Variants in AKR1C1 observed in about 807,000 individuals in gnomAD.
AKR1C1 encodes 20 alpha-hydroxysteroid dehydrogenase.
In AKR1C1, 32 loss-of-function variants were observed where a neutral mutation model predicts 40.6. The observed-to-expected ratio is 0.79, with a 90% CI of 0.60 to 1.06. The LOEUF is 1.06. AKR1C1 is among the 50% of genes least tolerant of loss of function. AKR1C1 has a pLI of 0.00. For missense variants in AKR1C1, 320 were observed against 363.5 expected (o/e 0.88, Z 0.97); for synonymous variants, 105 against 134.2 (o/e 0.78, Z 1.50).
chr10:4,965,479 T>C (rs886587532), intron 1 of AKR1C1: 5 of 152,868 alleles, frequency 3.3e-5, no homozygotes, highest in African/African-American at 1.2e-4. Flanking sequence ...TTAACCAGGA[T>C]GGCCTTGATC....
At position 4,981,125 on chromosome 10, in the gene AKR1C1, C is replaced by A. The variant is rs1206858242; in HGVS notation, c.*3383C>A. 1 of 151,530 alleles carries A rather than the reference C, an allele frequency of 6.6e-6. No individual in the cohort carries two copies. Among genetic ancestry groups the A allele is most frequent in the Non-Finnish European group, 1.5e-5 (1 of 67,582 alleles). The allele number at this position is 151,530 out of a possible 1,614,324, so 9.4% of individuals were successfully genotyped here. A position where few individuals can be genotyped will look rare whatever the true frequency, so the allele number is the denominator to read the frequency against. ...TAATTTCAAAGAACTTTTTCTTTTG[C>A]TGAGCAGTAAGTCTTAACAGTGGGC... On this transcript the variant is annotated 3_prime_UTR_variant, in exon 9 of 9. Transcript: ENST00000380872.
rs530323152 is a variant in AKR1C1 at position 4,966,009 on chromosome 10, G to A, written c.180G>A (p.Gln60=). Residue 60 remains glutamine (Q), a synonymous_variant, in exon 2 of 9, where the codon CAG becomes CAA. Transcript: ENST00000380872. ...DSAHLYNNEE[Q]VGLAIRSKIA... The stretch of plus-strand genomic sequence containing the variant: ...CTCATTTATACAATAATGAGGAGCA[G>A]GTTGGACTGGCCATCCGAAGCAAGA... 20 of 1,614,228 alleles carry A rather than the reference G, an allele frequency of 1.2e-5. No individual in the cohort carries two copies. The East Asian group carries it at 4.2e-4, about 34-fold the overall frequency.
Position 4,977,982 on chromosome 10 carries a change from C to T in AKR1C1, c.*240C>T. The T allele has an allele frequency of 1.8e-6, 1 of 555,562 alleles. No individual in the cohort carries two copies. The allele number at this position is 555,562 out of a possible 1,614,324, so 34.4% of individuals were successfully genotyped here. ...TCTTCACCTACTTTGGTCTCCATAA[C>T]TTCTATGTTTTCTTTCCTTCTGACA... On this transcript the variant is annotated 3_prime_UTR_variant, in exon 9 of 9. Transcript: ENST00000380872.
In AKR1C1 at chr10:4,967,009, A is replaced by G. The variant is rs774806896; in HGVS notation, c.335A>G (p.Asp112Gly). The G allele has an allele frequency of 1.9e-6, 3 of 1,613,848 alleles. No homozygotes were observed. The East Asian group carries it at 6.7e-5, about 36-fold the overall frequency. The part of the protein sequence containing the change: ...SLKNLQLDYV[D>G]LYLIHFPVSV... ...AAAAATCTTCAATTGGATTATGTTG[A>G]CCTCTACCTTATTCATTTTCCAGTG... Residue 112 changes from aspartate to glycine, a missense_variant, in exon 3 of 9, where the codon GAC (aspartate) becomes GGC (glycine). Asp to Gly is a moderately conservative substitution (Grantham distance 94, BLOSUM62 -1). Coordinates refer to ENST00000380872, the MANE Select transcript of AKR1C1 (RefSeq NM_001353.6).
intron 2 of AKR1C1, among the ~76,000 whole-genome samples, chr10:4,966,473 G>A (rs1238858105): frequency 1.3e-5 from 2 of 152,200 alleles, no homozygotes; most frequent in African/African-American, 4.8e-5. Context: ...AGCAAGCTCT[G>A]TGAGTATTAA....
rs1215401140 is a variant in AKR1C1 at position 4,983,064 on chromosome 10, G to A, written c.*5322G>A. The A allele has an allele frequency of 7.9e-6, 3 of 377,400 alleles. No homozygotes were observed. The East Asian group carries it at 2.5e-4, about 31-fold the overall frequency. The allele number at this position is 377,400 out of a possible 1,614,324, so 23.4% of individuals were successfully genotyped here. A position where few individuals can be genotyped will look rare whatever the true frequency, so the allele number is the denominator to read the frequency against. ...CCACTGCTGGGAGACTTGTGCTGAG[G>A]TGAAGCCTGGGCTGGATGGCTGGAG... On this transcript the variant is annotated 3_prime_UTR_variant, in exon 9 of 9. Coordinates refer to ENST00000380872, the MANE Select transcript of AKR1C1 (RefSeq NM_001353.6).
chr10:4,963,631 C>T, intron 1 of AKR1C1, 103 bp downstream of exon 1: 3 of 1,000,132 alleles, frequency 3.0e-6, no homozygotes, highest in South Asian at 2.8e-5. Flanking sequence ...GCATGACTCC[C>T]CTTTAAACGT....
rs1836642323 is a variant in AKR1C1 at position 4,982,920 on chromosome 10, A to G, written c.*5178A>G. On this transcript the variant is annotated 3_prime_UTR_variant, in exon 9 of 9. Transcript: ENST00000380872. The stretch of plus-strand genomic sequence containing the variant: ...AGGTCTTGAGTCGGTCCGCATGACA[A>G]GTTCACCGCTCGCATAACCAGCATT... The G allele has an allele frequency of 4.5e-6, 2 of 449,434 alleles. No individual in the cohort carries two copies. The highest frequency in any genetic ancestry group is 3.1e-5 in the South Asian group (2 of 63,650). 27.8% of individuals were successfully genotyped at this position (449,434 alleles called of 1,614,324 possible). A position where few individuals can be genotyped will look rare whatever the true frequency, so the allele number is the denominator to read the frequency against.
chr10:4,969,796 T>C (rs1836395306), intron 5 of AKR1C1: 1 of 1,540,918 alleles, frequency 6.5e-7, no homozygotes, highest in African/African-American at 1.4e-5. Context: ...CTTTTCCCAG[T>C]AAATTACATT....
At position 4,981,378 on chromosome 10, in the gene AKR1C1, C is replaced by T. The variant is rs567207674; in HGVS notation, c.*3636C>T. The T allele has an allele frequency of 3.3e-5, 5 of 152,184 alleles. No homozygotes were observed. Among genetic ancestry groups the T allele is most frequent in the African/African-American group, 1.2e-4 (5 of 41,492 alleles). 9.4% of individuals were successfully genotyped at this position (152,184 alleles called of 1,614,324 possible). On this transcript the variant is annotated 3_prime_UTR_variant, in exon 9 of 9. Transcript: ENST00000380872. ...CTACTCAAAGAAATCAGAGATATCA[C>T]AAAATGACAAAACAAGTACAGGGGC...
In AKR1C1 at chr10:4,982,848, G is replaced by T. The variant is rs373287078; in HGVS notation, c.*5106G>T. 4.8e-4 allele frequency: 189 copies of T among 393,532 alleles called. No individual in the cohort carries two copies. Among genetic ancestry groups the T allele is most frequent in the South Asian group, 3.1e-3 (161 of 52,294 alleles). The allele number at this position is 393,532 out of a possible 1,614,324, so 24.4% of individuals were successfully genotyped here. A position where few individuals can be genotyped will look rare whatever the true frequency, so the allele number is the denominator to read the frequency against. On this transcript the variant is annotated 3_prime_UTR_variant, in exon 9 of 9. Coordinates refer to ENST00000380872, the MANE Select transcript of AKR1C1 (RefSeq NM_001353.6). The stretch of plus-strand genomic sequence containing the variant: ...TGTTCCCAGGAAGGAGAAAATGCCT[G>T]CATGAGCTCAGCTGTTACCACTGCG...
Position 4,972,601 on chromosome 10 carries a change from C to G in AKR1C1, c.698C>G (p.Pro233Arg), listed in dbSNP as rs370027719. The G allele has an allele frequency of 6.2e-7, 1 of 1,613,672 alleles. No homozygotes were observed. Among genetic ancestry groups the G allele is most frequent in the African/African-American group, 1.3e-5 (1 of 74,886 alleles). ...CCTTCCAGGGTGGACCCGAACTCCCCGGTGCTCTTGGAGGACCCAGTCCTT... is the reference window on the plus strand; with the variant it reads ...CCTTCCAGGGTGGACCCGAACTCCCGGGTGCTCTTGGAGGACCCAGTCCTT... ...REEPWVDPNS[P>R]VLLEDPVLCA... The change falls in exon 7 of 9, where the codon CCG (proline) becomes CGG (arginine). Residue 233 changes from proline to arginine, a missense_variant. Around this residue, in one of 3 missense-constraint regions of AKR1C1, gnomAD observed 77 missense variants for 125.3 expected, o/e 0.61. Coordinates refer to ENST00000380872, the MANE Select transcript of AKR1C1 (RefSeq NM_001353.6).
Position 4,978,431 on chromosome 10 carries a change from T to G in AKR1C1, c.*689T>G, listed in dbSNP as rs117037425. The G allele has an allele frequency of 0.03, 4,545 of 151,188 alleles. 90 individuals carry two copies. Among genetic ancestry groups the G allele is most frequent in the Non-Finnish European group, 0.044 (3,012 of 67,820 alleles). 9.4% of individuals were successfully genotyped at this position (151,188 alleles called of 1,614,324 possible). On this transcript the variant is annotated 3_prime_UTR_variant, in exon 9 of 9. Coordinates refer to ENST00000380872, the MANE Select transcript of AKR1C1 (RefSeq NM_001353.6). ...ACCCTTTTTTTTGAACATTATATCT[T>G]GCTCATAAAAGAAAACTTTCCACAT... is the stretch of plus-strand genomic sequence containing the variant.
At chr10:4,969,029 C>A (rs1836381046) in intron 5 of AKR1C1, 85 bp downstream of exon 5, 1 of 1,599,586 alleles carries the variant, frequency 6.3e-7, no homozygotes, top group Admixed American at 1.7e-5. Context: ...TTTAGTCCCA[C>A]TTATCTTTGT....
chr10:4,972,683 G>A lies in AKR1C1; in HGVS notation c.780G>A (p.Gln260=), dbSNP rs782705040. Residue 260 remains glutamine, a synonymous_variant, in exon 7 of 9, where the codon CAG becomes CAA. Coordinates refer to ENST00000380872, the MANE Select transcript of AKR1C1 (RefSeq NM_001353.6). The part of the protein sequence containing the change: ...RTPALIALRY[Q]LQRGVVVLAK... ...CAGCCCTGATTGCCCTGCGCTACCA[G>A]CTACAGCGTGGGGTTGTGGTCCTGG... 1 of 1,612,754 alleles carries A rather than the reference G, an allele frequency of 6.2e-7. No individual in the cohort carries two copies. Among genetic ancestry groups the A allele is most frequent in the Non-Finnish European group, 8.5e-7 (1 of 1,180,042 alleles).
rs377740457 is a variant in AKR1C1 at position 4,966,043 on chromosome 10, G to T, written c.214G>T (p.Gly72Cys). 3.7e-6 allele frequency: 6 copies of T among 1,614,062 alleles called. No individual in the cohort carries two copies. In the African/African-American group the frequency reaches 4.0e-5, roughly 11 times the overall value. ...GGCCATCCGAAGCAAGATTGCAGAT[G>T]GCAGTGTGAAGAGAGAAGACATATT... ...GLAIRSKIAD[G>C]SVKREDIFYT... Residue 72 changes from glycine to cysteine, a missense_variant, in exon 2 of 9, where the codon GGC (glycine) becomes TGC (cysteine). Coordinates refer to ENST00000380872, the MANE Select transcript of AKR1C1 (RefSeq NM_001353.6).
intron 2 of AKR1C1, among the ~76,000 whole-genome samples, chr10:4,966,317 G>A (rs1452075985): frequency 1.3e-5 from 2 of 152,194 alleles, no homozygotes; most frequent in Non-Finnish European, 2.9e-5. Flanking sequence ...GCTCAGCACA[G>A]ATCAATATGG....
chr10:4,970,365 C>T (rs1836403639), intron 5 of AKR1C1, among the ~76,000 whole-genome samples: 1 of 152,058 alleles, frequency 6.6e-6, no homozygotes, highest in Non-Finnish European at 1.5e-5. Context: ...ATTTTGATAT[C>T]AGTTAACTTG....
chr10:4,969,469 A>G (rs7083234), intron 5 of AKR1C1, among the ~76,000 whole-genome samples: 49,755 of 138,018 alleles, frequency 0.36, 9,015 homozygotes, highest in African/African-American at 0.5. Context: ...TCTGCAGACA[A>G]TGAAGGTCAT....
Sources: gnomAD v4.1 joint callset for allele counts (sites outside exome capture counted in the v4.1 genomes callset) on GRCh38, gnomAD v4.1.1 for gene constraint, gnomAD v4.1.1 regional missense constraint, MANE v1.5 for transcripts, NCBI Gene and HGNC (gene_info 2026-07-23, HGNC 2026-07-21) for gene names.